CLTA: variants seen among roughly 807,000 people sequenced by gnomAD.
CLTA encodes clathrin light chain A.
Under a neutral mutation model 26.9 loss-of-function variants are expected in CLTA, and 9 were observed. The observed-to-expected ratio is 0.33, with a 90% CI of 0.20 to 0.58. CLTA has a LOEUF of 0.58. Ranked by LOEUF, CLTA falls within the 20% of genes least tolerant of loss-of-function variation. The pLI, the probability that CLTA is intolerant of heterozygous loss-of-function variation, is 0.85. For missense variants in CLTA, 278 were observed against 294.2 expected, an observed-to-expected ratio of 0.94 and a Z score of 0.40; for synonymous variants, 120 against 115.5, an observed-to-expected ratio of 1.04 and a Z score of -0.25.
chr9:36,211,283 A>T (rs1453741078), intron 4 of CLTA, among the ~76,000 whole-genome samples: 2 of 152,224 alleles, frequency 1.3e-5, no homozygotes, highest in Admixed American at 1.3e-4. Context: ...CTTTGTTCTT[A>T]TTAATAAAAG....
intron 1 of CLTA, among the ~76,000 whole-genome samples, chr9:36,196,129 A>T (rs1417999217): frequency 1.3e-5 from 2 of 151,578 alleles, no homozygotes; most frequent in African/African-American, 4.8e-5. Flanking sequence ...CTACAAAAAA[A>T]ATTAGGTGGG....
intron 1 of CLTA, among the ~76,000 whole-genome samples, chr9:36,193,088 G>C (rs1350157499): frequency 6.6e-6 from 1 of 152,214 alleles, no homozygotes; most frequent in Non-Finnish European, 1.5e-5. Flanking sequence ...GGAGAGAATA[G>C]AGTTGGATGC....
chr9:36,205,395 A>G (rs1827658414), intron 4 of CLTA, among the ~76,000 whole-genome samples: 1 of 152,084 alleles, frequency 6.6e-6, no homozygotes. Flanking sequence ...GGTGGTGCTG[A>G]CAGGTCCAGG....
intron 3 of CLTA, among the ~76,000 whole-genome samples, chr9:36,199,689 T>A (rs540566411): frequency 6.6e-5 from 10 of 151,842 alleles, no homozygotes; most frequent in African/African-American, 2.4e-4. Context: ...CTCCTGACCT[T>A]GTGATCCACA....
In CLTA at chr9:36,211,454, G is replaced by A. The variant is rs371918679; in HGVS notation, c.486-149G>A. The stretch of plus-strand genomic sequence containing the variant: ...GAGAGCCAGCTACGTGTCTACCTGA[G>A]TCTGACCTGGGCCAGGGGCTGTTAT... On this transcript the variant is annotated intron_variant, in intron 4 of 4. Transcript: ENST00000345519. 4.3e-5 allele frequency: 44 copies of A among 1,029,022 alleles called. 1 individual carries two copies. The East Asian group carries it at 8.1e-4, about 19-fold the overall frequency. The allele number at this position is 1,029,022 out of a possible 1,614,324, so 63.7% of individuals were successfully genotyped here.
At chr9:36,209,629 C>T (rs1228250410) in intron 4 of CLTA, among the ~76,000 whole-genome samples, 7 of 152,154 alleles carry the variant, frequency 4.6e-5, no homozygotes, top group African/African-American at 1.7e-4. Context: ...GAACTCTGCT[C>T]TCTTGCTCTT....
chr9:36,204,247 G>T (rs2132919452), intron 4 of CLTA, 68 bp downstream of exon 4: 1 of 1,529,898 alleles, frequency 6.5e-7, no homozygotes, highest in Admixed American at 2.1e-5. Context: ...TCAGCATCCA[G>T]TCTCGGTTTT....
At chr9:36,209,135 A>G (rs1173232875) in intron 4 of CLTA, 1 of 1,093,902 alleles carries the variant, frequency 9.1e-7, no homozygotes, top group African/African-American at 1.6e-5. Flanking sequence ...CACGGGGGTT[A>G]GGAAGGAGCC....
chr9:36,210,530 T>A (rs1026884243), intron 4 of CLTA: 2 of 1,593,890 alleles, frequency 1.3e-6, no homozygotes, highest in African/African-American at 2.7e-5. Flanking sequence ...GGCAAGGGCA[T>A]GTCCAGCTTA....
intron 3 of CLTA, among the ~76,000 whole-genome samples, chr9:36,201,073 G>C (rs533774079): frequency 6.6e-6 from 1 of 152,080 alleles, no homozygotes; most frequent in Admixed American, 6.5e-5. Context: ...TTTGGTGTCT[G>C]GAAAGATTTA....
intron 1 of CLTA, among the ~76,000 whole-genome samples, chr9:36,196,377 C>T (rs539494372): frequency 2.0e-3 from 281 of 143,904 alleles, no homozygotes; most frequent in Admixed American, 0.015. Flanking sequence ...GATGGAGTCT[C>T]GCTCCGTCAC....
At chr9:36,201,165 G>C (rs1000084519) in intron 3 of CLTA, among the ~76,000 whole-genome samples, 4 of 152,116 alleles carry the variant, frequency 2.6e-5, no homozygotes, top group Non-Finnish European at 5.9e-5. Context: ...TTTGAGAGAA[G>C]TACAACATTT....
chr9:36,206,834 G>T (rs1245346505), intron 4 of CLTA, among the ~76,000 whole-genome samples: 2 of 152,152 alleles, frequency 1.3e-5, no homozygotes, highest in African/African-American at 4.8e-5. Flanking sequence ...GGCAGAGGTT[G>T]CAGTGAGCTG....
At position 36,205,192 on chromosome 9, in the gene CLTA, G is replaced by A. The variant is rs141097428; in HGVS notation, c.485+1013G>A. Reference sequence around the variant, plus strand: ...GCAGCCCTTCAGCTCATTGGATTCCGGCTTGAGCCTGTGTCCTGGTCACTT... The same window carrying A: ...GCAGCCCTTCAGCTCATTGGATTCCAGCTTGAGCCTGTGTCCTGGTCACTT... On this transcript the variant is annotated intron_variant, in intron 4 of 4. Coordinates refer to ENST00000345519, the MANE Select transcript of CLTA (RefSeq NM_001833.4). Among the ~76,000 whole-genome samples the A allele has an allele frequency of 6.4e-4, 98 of 152,246 alleles. 1 individual carries two copies. The highest frequency in any genetic ancestry group is 2.1e-3 in the African/African-American group (88 of 41,556).
At chr9:36,200,395 G>A (rs559059460) in intron 3 of CLTA, among the ~76,000 whole-genome samples, 2 of 152,286 alleles carry the variant, frequency 1.3e-5, no homozygotes, top group South Asian at 4.1e-4. Context: ...TATACTTTGT[G>A]TCTAAATATT....
At chr9:36,201,993 C>G (rs941707189) in intron 3 of CLTA, among the ~76,000 whole-genome samples, 15 of 151,868 alleles carry the variant, frequency 9.9e-5, no homozygotes, top group African/African-American at 3.6e-4. Flanking sequence ...CGCTTGTGGT[C>G]CCAGCTGCTT....
chr9:36,191,596 G>T (rs1826725989), intron 1 of CLTA, among the ~76,000 whole-genome samples: 1 of 152,182 alleles, frequency 6.6e-6, no homozygotes. Flanking sequence ...GGTCTCTGAA[G>T]CAACCGCATT....
intron 4 of CLTA, among the ~76,000 whole-genome samples, chr9:36,205,626 G>A (rs919670382): frequency 6.6e-6 from 1 of 152,138 alleles, no homozygotes; most frequent in Non-Finnish European, 1.5e-5. Context: ...TTCAAACTTA[G>A]ATAATGAATA....
intron 4 of CLTA, chr9:36,209,146 T>C (rs1827895345): frequency 8.1e-7 from 1 of 1,238,262 alleles, no homozygotes; most frequent in Admixed American, 2.1e-5. Flanking sequence ...GGAAGGAGCC[T>C]TGGGAGCAGC....
Sources: allele counts gnomAD v4.1 joint callset (sites outside exome capture counted in the v4.1 genomes callset), GRCh38; gene constraint gnomAD v4.1.1; transcripts MANE v1.5; gene names NCBI Gene and HGNC (gene_info 2026-07-23, HGNC 2026-07-21).